SLC23A2: variants seen among roughly 807,000 people sequenced by gnomAD.
SLC23A2 encodes the protein solute carrier family 23 member 2, also known as Na(+)/L-ascorbic acid transporter 2.
A neutral mutation model predicts 73.3 loss-of-function variants in SLC23A2; 36 were observed. That is an observed-to-expected ratio of 0.49 (90% CI 0.38 to 0.65). SLC23A2 has a LOEUF of 0.65. Ranked by LOEUF, SLC23A2 falls within the 30% of genes least tolerant of loss-of-function variation. SLC23A2 has a pLI of 0.00. For missense variants in SLC23A2, 507 were observed against 841.6 expected (o/e 0.60, Z 4.92); for synonymous variants, 343 against 327.3 (o/e 1.05, Z -0.52).
At chr20:4,966,137 T>C (rs1421461999) in intron 2 of SLC23A2, among the ~76,000 whole-genome samples, 2 of 152,048 alleles carry the variant, frequency 1.3e-5, no homozygotes, top group Admixed American at 1.3e-4. Context: ...AAAATATACA[T>C]ATAGACTGGG....
chr20:5,001,926 A>G (rs2088134168), upstream of SLC23A2, among the ~76,000 whole-genome samples: 1 of 152,000 alleles, frequency 6.6e-6, no homozygotes, highest in African/African-American at 2.4e-5. Flanking sequence ...ATGTTTTAAA[A>G]CAATTTCACC....
intron 2 of SLC23A2, among the ~76,000 whole-genome samples, chr20:4,942,319 T>C (rs1003423961): frequency 2.8e-5 from 4 of 145,244 alleles, no homozygotes; most frequent in Non-Finnish European, 4.5e-5. Flanking sequence ...TAAAGCTCCC[T>C]GCAGCCAAAG....
chr20:5,005,715 C>A (rs2088183145), upstream of SLC23A2, among the ~76,000 whole-genome samples: 1 of 152,144 alleles, frequency 6.6e-6, no homozygotes. Flanking sequence ...GGGCCAGGCG[C>A]CGTGGCTCAC....
At chr20:4,886,128 G>GGGCCCACC in intron 6 of SLC23A2, 1 of 493,042 alleles carries the variant, frequency 2.0e-6, no homozygotes, top group South Asian at 2.3e-5. Context: ...TCCCACCCAG[G>GGGCCCACC]CAGCTCCAGG....
intron 1 of SLC23A2, among the ~76,000 whole-genome samples, chr20:4,997,300 C>T (rs2088040517): frequency 1.3e-5 from 2 of 152,098 alleles, no homozygotes. Flanking sequence ...TACAGTGGTC[C>T]GCATGGCCTT....
At chr20:4,985,667 T>G (rs1239058088) in intron 1 of SLC23A2, among the ~76,000 whole-genome samples, 1 of 152,140 alleles carries the variant, frequency 6.6e-6, no homozygotes, top group African/African-American at 2.4e-5. Context: ...AGGCTGGTCT[T>G]GAACTCCTGA....
chr20:4,961,434 C>T (rs966895806), intron 2 of SLC23A2, among the ~76,000 whole-genome samples: 7 of 152,134 alleles, frequency 4.6e-5, no homozygotes, highest in African/African-American at 1.2e-4. Context: ...TCTCCAATCC[C>T]CCAGAGTGGG....
chr20:4,952,103 C>CA (rs57832305), intron 2 of SLC23A2, among the ~76,000 whole-genome samples: 15,825 of 40,378 alleles, frequency 0.39, 4,149 homozygotes, highest in East Asian at 0.66. Flanking sequence ...GACTCTGACT[C>CA]AAAAAAAAAA....
chr20:4,983,445 G>C (rs992305929), intron 1 of SLC23A2, among the ~76,000 whole-genome samples: 3 of 151,752 alleles, frequency 2.0e-5, no homozygotes, highest in Admixed American at 2.0e-4. Context: ...AGGAGATCGA[G>C]ACCATCCTGG....
chr20:4,956,550 T>G (rs2087290894), intron 2 of SLC23A2, among the ~76,000 whole-genome samples: 1 of 152,216 alleles, frequency 6.6e-6, no homozygotes, highest in African/African-American at 2.4e-5. Context: ...AATTACTGAC[T>G]GTTCTTACTC....
At chr20:4,938,334 C>CTTTTTT (rs752802054) in intron 2 of SLC23A2, among the ~76,000 whole-genome samples, 2 of 124,906 alleles carry the variant, frequency 1.6e-5, no homozygotes, top group African/African-American at 3.2e-5. Flanking sequence ...CTCATTCCAT[C>CTTTTTT]TTTTTTTTTT....
intron 1 of SLC23A2, among the ~76,000 whole-genome samples, chr20:4,991,077 T>C (rs567392498): frequency 2.6e-5 from 4 of 151,878 alleles, no homozygotes; most frequent in African/African-American, 9.7e-5. Context: ...GAGGGAGGTG[T>C]GAGGGGAGAT....
At chr20:4,906,655 CAAA>C (rs1206202846) in intron 4 of SLC23A2, among the ~76,000 whole-genome samples, 2 of 151,946 alleles carry the variant, frequency 1.3e-5, no homozygotes, top group Non-Finnish European at 2.9e-5. Flanking sequence ...AACCAAAAAA[CAAA>C]AAACCCAAAA....
chr20:4,932,371 G>A (rs1304616029), intron 3 of SLC23A2, 84 bp downstream of exon 3: 12 of 826,310 alleles, frequency 1.5e-5, no homozygotes, highest in East Asian at 4.8e-5. Context: ...CTGAAAACAT[G>A]AGCATTAAAG....
At chr20:4,915,816 T>C (rs1326551966) in intron 3 of SLC23A2, among the ~76,000 whole-genome samples, 1 of 152,022 alleles carries the variant, frequency 6.6e-6, no homozygotes, top group Non-Finnish European at 1.5e-5. Context: ...GGCGTGGTGA[T>C]GGGCGCCTCT....
chr20:4,917,997 T>A (rs938534013), intron 3 of SLC23A2, among the ~76,000 whole-genome samples: 1 of 152,254 alleles, frequency 6.6e-6, no homozygotes, highest in African/African-American at 2.4e-5. Flanking sequence ...CAAAATTTAA[T>A]TTTAAAAATC....
intron 2 of SLC23A2, 108 bp from the exon 3 acceptor site, chr20:4,932,824 C>A: frequency 3.1e-6 from 1 of 326,884 alleles, no homozygotes. Flanking sequence ...ACATTATACC[C>A]AAGCATCCAA....
chr20:5,002,313 C>T (rs902482155), upstream of SLC23A2, among the ~76,000 whole-genome samples: 3 of 152,214 alleles, frequency 2.0e-5, no homozygotes, highest in African/African-American at 7.2e-5. Flanking sequence ...ATCTGCATTT[C>T]TGCCAAGTTC....
At chr20:4,859,617 T>C (rs1347127706) in intron 15 of SLC23A2, among the ~76,000 whole-genome samples, 1 of 152,136 alleles carries the variant, frequency 6.6e-6, no homozygotes, top group Non-Finnish European at 1.5e-5. Context: ...TTCCCAACAG[T>C]GGTGCATAGA....
Sources: gnomAD v4.1 joint callset for allele counts (sites outside exome capture counted in the v4.1 genomes callset) on GRCh38, gnomAD v4.1.1 for gene constraint, MANE v1.5 for transcripts, NCBI Gene and HGNC (gene_info 2026-07-23, HGNC 2026-07-21) for gene names.